The following TDP2 variants were observed in gnomAD, a reference collection of about 807,000 sequenced individuals.
TDP2 encodes 5'-Tyr-DNA phosphodiesterase.
TDP2 carries 38 observed loss-of-function variants against 42.8 expected under a neutral mutation model. The observed-to-expected ratio is 0.89, with a 90% CI of 0.68 to 1.16. The LOEUF is 1.16. Ranked by LOEUF, TDP2 falls within the 50% of genes most tolerant of loss-of-function variation. The probability of loss-of-function intolerance (pLI) is 0.00; values close to 1 mark genes in which losing one functional copy is unlikely to be tolerated. For synonymous variants in TDP2, 173 were observed against 150.6 expected, an observed-to-expected ratio of 1.15 and a Z score of -1.09; for missense variants, 439 against 439.3, an observed-to-expected ratio of 1.00 and a Z score of 0.01.
rs142438588 is a variant in TDP2, at chr6:24,650,928, G to T, written c.949C>A (p.Arg317=). The change falls in exon 7 of 7, where the codon CGA becomes AGA. Residue 317 remains arginine (R), a synonymous_variant. Coordinates refer to ENST00000378198, the MANE Select transcript of TDP2 (RefSeq NM_016614.3). ...ITAACKLRFD[R]IFFRAAAEEG... is the part of the protein sequence containing the mutation. ...TCTGCTGCTGCTCTGAAAAATATTC[G>T]ATCAAAACGAAGTTTACAAGCAGCA... The T allele has an allele frequency of 3.1e-6, 5 of 1,613,928 alleles. No individual in the cohort carries two copies. Among genetic ancestry groups the T allele is most frequent in the South Asian group, 1.1e-5 (1 of 91,082 alleles).
chr6:24,662,703 A>G (rs1261590552), intron 2 of TDP2, among the ~76,000 whole-genome samples: 1 of 151,930 alleles, frequency 6.6e-6, no homozygotes, highest in Non-Finnish European at 1.5e-5. Context: ...CTTCCTCTAT[A>G]CTTTGTCTCT....
At chr6:24,657,780 G>T in intron 4 of TDP2, 32 bp downstream of exon 4, 1 of 1,310,284 alleles carries the variant, frequency 7.6e-7, no homozygotes, top group Non-Finnish European at 1.1e-6. Flanking sequence ...GTTTTTCAAA[G>T]AAAAGACAAG....
rs1417133346 is a variant in TDP2, at chr6:24,650,552, C to CT, written c.*235dup. The CT allele has an allele frequency of 6.0e-6, 3 of 503,770 alleles. No individual in the cohort carries two copies. The highest frequency in any genetic ancestry group is 7.0e-6 in the Non-Finnish European group (2 of 286,144). The allele number at this position is 503,770 out of a possible 1,614,324, so 31.2% of individuals were successfully genotyped here. A position where few individuals can be genotyped will look rare whatever the true frequency, so the allele number is the denominator to read the frequency against. On this transcript the variant is annotated 3_prime_UTR_variant, in exon 7 of 7. Transcript: ENST00000378198. The stretch of plus-strand genomic sequence containing the variant: ...GCAGCTATAAGCACCGTTGAAAACT[C>CT]TGACAGGCTTTGTGCCCTTTTTATT...
At chr6:24,666,485 T>C (rs548787108) in intron 2 of TDP2, 41 bp downstream of exon 2, 9 of 1,598,332 alleles carry the variant, frequency 5.6e-6, no homozygotes, top group South Asian at 4.4e-5. Context: ...GGTATCAAAC[T>C]GCCTCCGTGC....
intron 2 of TDP2, among the ~76,000 whole-genome samples, chr6:24,662,325 G>A (rs1321156633): frequency 6.6e-6 from 1 of 152,090 alleles, no homozygotes; most frequent in East Asian, 1.9e-4. Context: ...TCGTCCCTGG[G>A]AATGGAATGT....
chr6:24,656,775 A>G (rs1245416509), intron 4 of TDP2, among the ~76,000 whole-genome samples: 1 of 152,214 alleles, frequency 6.6e-6, no homozygotes, highest in Non-Finnish European at 1.5e-5. Context: ...CAAGAACTAC[A>G]AAGCTACGAC....
rs200526601 is a variant in TDP2 at position 24,664,399 on chromosome 6, G to GT, written c.251+2126dup. ...AAGACTAATGAAATTAGAATCTCTG[G>GT]TTTTTTTTTTAAATTCCCCAGATAA... On this transcript the variant is annotated intron_variant, in intron 2 of 6. Coordinates refer to ENST00000378198, the MANE Select transcript of TDP2 (RefSeq NM_016614.3). 1.9e-3 allele frequency among the ~76,000 whole-genome samples: 286 copies of GT among 147,694 alleles called. 1 individual carries two copies. Among genetic ancestry groups the GT allele is most frequent in the Non-Finnish European group, 3.3e-3 (217 of 66,734 alleles).
intron 2 of TDP2, among the ~76,000 whole-genome samples, chr6:24,659,790 G>A (rs970494380): frequency 9.9e-5 from 15 of 152,114 alleles, no homozygotes; most frequent in Admixed American, 2.0e-4. Context: ...CTTACTACAG[G>A]GAAAGAATAT....
chr6:24,654,366 A>C (rs1778024922), intron 5 of TDP2, 46 bp downstream of exon 5: 2 of 1,049,480 alleles, frequency 1.9e-6, no homozygotes, highest in Middle Eastern at 2.4e-4. Flanking sequence ...AAAACTATGA[A>C]AAAATCTTTT....
intron 5 of TDP2, among the ~76,000 whole-genome samples, chr6:24,653,968 T>C (rs1778017442): frequency 6.6e-6 from 1 of 152,184 alleles, no homozygotes; most frequent in South Asian, 2.1e-4. Flanking sequence ...AAAAGTCATC[T>C]CTCCTTTCTC....
Position 24,666,818 on chromosome 6 carries a change from C to T in TDP2, c.45G>A (p.Glu15=). 2 of 1,614,198 alleles carry T rather than the reference C, an allele frequency of 1.2e-6. No individual in the cohort carries two copies. Among genetic ancestry groups the T allele is most frequent in the Non-Finnish European group, 1.7e-6 (2 of 1,180,038 alleles). The change falls in exon 1 of 7, where the codon GAG becomes GAA. Residue 15 remains glutamate (E), a synonymous_variant. Coordinates refer to ENST00000378198, the MANE Select transcript of TDP2 (RefSeq NM_016614.3). ...SCLEGGREAA[E]EEGEPEVKKR... is the part of the protein sequence containing the mutation. ...TTTTCACCTCAGGCTCGCCCTCTTC[C>T]TCCGCCGCCTCCCTCCCGCCCTCCA... is the stretch of plus-strand genomic sequence containing the variant.
Position 24,651,046 on chromosome 6 carries a change from G to A in TDP2, c.831C>T (p.Pro277=). Residue 277 remains proline, a synonymous_variant, in exon 7 of 7, where the codon CCC becomes CCT. Coordinates refer to ENST00000378198, the MANE Select transcript of TDP2 (RefSeq NM_016614.3). ...DREVTRCGGL[P]NNIVDVWEFL... ...ACTCCCAGACATCCACAATGTTGTT[G>A]GGTAAACCACCACATCTGGTAACCT... The A allele has an allele frequency of 6.2e-7, 1 of 1,612,296 alleles. No individual in the cohort carries two copies. Among genetic ancestry groups the A allele is most frequent in the Non-Finnish European group, 8.5e-7 (1 of 1,179,304 alleles).
chr6:24,662,099 A>G (rs1778158075), intron 2 of TDP2, among the ~76,000 whole-genome samples: 1 of 152,142 alleles, frequency 6.6e-6, no homozygotes, highest in African/African-American at 2.4e-5. Context: ...CCAGGGACAC[A>G]ATGCACTGCG....
intron 6 of TDP2, 185 bp downstream of exon 6, chr6:24,652,798 A>C: frequency 1.7e-6 from 1 of 605,048 alleles, no homozygotes. Context: ...TTTTCCTCCA[A>C]AAAGAGCCCC....
intron 2 of TDP2, among the ~76,000 whole-genome samples, chr6:24,661,831 G>GAC: frequency 8.4e-6 from 1 of 119,212 alleles, no homozygotes; most frequent in African/African-American, 3.3e-5. Flanking sequence ...GGGGGAAAGA[G>GAC]AGATCAGACT....
At chr6:24,661,493 T>C (rs1778147319) in intron 2 of TDP2, among the ~76,000 whole-genome samples, 1 of 152,242 alleles carries the variant, frequency 6.6e-6, no homozygotes, top group South Asian at 2.1e-4. Context: ...TGTACTTTTT[T>C]TGCCCCTGCT....
chr6:24,658,773 C>A (rs905826606), intron 2 of TDP2, 39 bp from the exon 3 acceptor site: 2 of 1,562,100 alleles, frequency 1.3e-6, no homozygotes, highest in African/African-American at 1.4e-5. Flanking sequence ...TGCAAATAAT[C>A]TATAAATTGA....
chr6:24,656,263 A>G (rs922911699), intron 4 of TDP2, among the ~76,000 whole-genome samples: 1 of 152,164 alleles, frequency 6.6e-6, no homozygotes, highest in Non-Finnish European at 1.5e-5. Context: ...AGTTGCCAAG[A>G]AAGTAGAACA....
rs931464702 is a variant in TDP2, at chr6:24,649,992, C to A, written c.*796G>T. 4.6e-5 allele frequency: 7 copies of A among 152,024 alleles called. No individual in the cohort carries two copies. Among genetic ancestry groups the A allele is most frequent in the Non-Finnish European group, 8.8e-5 (6 of 67,994 alleles). 9.4% of individuals were successfully genotyped at this position (152,024 alleles called of 1,614,324 possible). ...AAACAAACCATAAACAAATAAAATT[C>A]TTTATTTAAATTTCTCTTGTGGGGA... On this transcript the variant is annotated 3_prime_UTR_variant, in exon 7 of 7. Transcript: ENST00000378198.
Sources: allele counts gnomAD v4.1 joint callset (sites outside exome capture counted in the v4.1 genomes callset), GRCh38; gene constraint gnomAD v4.1.1; transcripts MANE v1.5; gene names NCBI Gene and HGNC (gene_info 2026-07-23, HGNC 2026-07-21).